TRAPPC6B: variants seen among roughly 807,000 people sequenced by gnomAD.
TRAPPC6B encodes the protein trafficking protein particle complex subunit 6B.
Under a neutral mutation model 24.7 loss-of-function variants are expected in TRAPPC6B, and 27 were observed. The observed-to-expected ratio is 1.09, with a 90% CI of 0.81 to 1.51. TRAPPC6B has a LOEUF of 1.51. Among genes scored for constraint, TRAPPC6B ranks in the 40% most tolerant of loss-of-function variants. TRAPPC6B has a pLI of 0.00. For synonymous variants in TRAPPC6B, 80 were observed against 66.6 expected, an observed-to-expected ratio of 1.20 and a Z score of -0.98; for missense variants, 212 against 190.8, an observed-to-expected ratio of 1.11 and a Z score of -0.66.
chr14:39,169,324 A>G (rs1003758956), intron 1 of TRAPPC6B, among the ~76,000 whole-genome samples: 4 of 149,128 alleles, frequency 2.7e-5, no homozygotes, highest in African/African-American at 9.9e-5. Flanking sequence ...ATGATTGAAT[A>G]AGGACTCCCA....
At position 39,165,275 on chromosome 14, in the gene TRAPPC6B, G is replaced by A. The variant is rs564645018; in HGVS notation, c.81+4740C>T. ...TTAGCCAGGACGGTCTCGATCTCCT[G>A]ACCTTGTGATCCGCCCGCCTCGGCC... On this transcript the variant is annotated intron_variant, in intron 1 of 5. Transcript: ENST00000330149. 5.6e-4 allele frequency among the ~76,000 whole-genome samples: 85 copies of A among 152,210 alleles called. 1 individual carries two copies. Among genetic ancestry groups the A allele is most frequent in the African/African-American group, 2.0e-3 (83 of 41,524 alleles).
At chr14:39,152,129 T>G (rs2052922979) in intron 4 of TRAPPC6B, among the ~76,000 whole-genome samples, 1 of 152,156 alleles carries the variant, frequency 6.6e-6, no homozygotes, top group Non-Finnish European at 1.5e-5. Context: ...CAGAATTAGT[T>G]CTGGAGGCAG....
rs59380407 is a variant in TRAPPC6B at position 39,167,871 on chromosome 14, GA to G, written c.81+2143del. The stretch of plus-strand genomic sequence containing the variant: ...CATTTTATTTAGGATTAACCCACGG[GA>G]AAAAAAAAAGATATTTTAAAAAGAA... On this transcript the variant is annotated intron_variant, in intron 1 of 5. Coordinates refer to ENST00000330149, the MANE Select transcript of TRAPPC6B (RefSeq NM_001079537.2). 6.8e-5 allele frequency among the ~76,000 whole-genome samples: 10 copies of G among 148,058 alleles called. No individual in the cohort carries two copies. The East Asian group carries it at 7.8e-4, about 12-fold the overall frequency.
At chr14:39,163,980 C>G (rs771268062) in intron 1 of TRAPPC6B, among the ~76,000 whole-genome samples, 7 of 150,818 alleles carry the variant, frequency 4.6e-5, no homozygotes, top group Non-Finnish European at 1.0e-4. Context: ...CCCTGTGCTC[C>G]CAACCCCCCA....
At chr14:39,165,526 T>G (rs144216127) in intron 1 of TRAPPC6B, among the ~76,000 whole-genome samples, 83 of 152,286 alleles carry the variant, frequency 5.5e-4, no homozygotes, top group Non-Finnish European at 1.0e-3. Context: ...CCAGGCGCAG[T>G]GCTCATGCCT....
intron 3 of TRAPPC6B, among the ~76,000 whole-genome samples, chr14:39,156,242 T>C (rs1241564535): frequency 6.6e-6 from 1 of 152,174 alleles, no homozygotes; most frequent in East Asian, 1.9e-4. Context: ...CCCAGAACTC[T>C]GGGAGGCCAA....
At chr14:39,157,559 C>G (rs2052997925) in intron 3 of TRAPPC6B, 19 of 391,770 alleles carry the variant, frequency 4.8e-5, no homozygotes, top group South Asian at 3.7e-4. Flanking sequence ...ATCGAGGTGG[C>G]TGTCTTCCTG....
At chr14:39,154,322 A>C in intron 3 of TRAPPC6B, 28 bp from the exon 4 acceptor site, 1 of 1,356,644 alleles carries the variant, frequency 7.4e-7, no homozygotes, top group Non-Finnish European at 1.1e-6. Context: ...AAAAAATCCA[A>C]AGTCAATGTA....
At chr14:39,152,611 A>T (rs2052928252) in intron 4 of TRAPPC6B, among the ~76,000 whole-genome samples, 1 of 152,188 alleles carries the variant, frequency 6.6e-6, no homozygotes, top group South Asian at 2.1e-4. Context: ...AAGTAACTAG[A>T]TCTGAGTCAT....
Position 39,170,153 on chromosome 14 carries a change from T to C in TRAPPC6B, c.-58A>G. On this transcript the variant is annotated 5_prime_UTR_variant, in exon 1 of 6. Coordinates refer to ENST00000330149, the MANE Select transcript of TRAPPC6B (RefSeq NM_001079537.2). ...GCTCCCGTTTGAGCTGGTCTGGGGGTTCCAGCTCGCGCCTCAGCGACTTCG... is the reference window on the plus strand; with the variant it reads ...GCTCCCGTTTGAGCTGGTCTGGGGGCTCCAGCTCGCGCCTCAGCGACTTCG... The C allele has an allele frequency of 6.4e-7, 1 of 1,563,224 alleles. No individual in the cohort carries two copies. The highest frequency in any genetic ancestry group is 1.8e-5 in the Admixed American group (1 of 55,424).
rs1439422934 is a variant in TRAPPC6B, at chr14:39,169,933, G to A, written c.81+82C>T. On this transcript the variant is annotated intron_variant, in intron 1 of 5. Transcript: ENST00000330149. ...CCTCGGGAGGCGTCGGGTGGCGATG[G>A]GACAGGGGTTGAAGGAAAGCACTGA... The A allele has an allele frequency of 7.0e-6, 10 of 1,426,412 alleles. No individual in the cohort carries two copies. The African/African-American group carries it at 8.4e-5, about 12-fold the overall frequency. The allele number at this position is 1,426,412 out of a possible 1,614,324, so 88.4% of individuals were successfully genotyped here.
chr14:39,153,990 C>A (rs1027419009), intron 4 of TRAPPC6B, among the ~76,000 whole-genome samples: 2 of 152,148 alleles, frequency 1.3e-5, no homozygotes, highest in Non-Finnish European at 2.9e-5. Context: ...CAGGCGTGAG[C>A]CATAGCGCCC....
chr14:39,161,127 GT>G, intron 1 of TRAPPC6B, among the ~76,000 whole-genome samples: 1 of 151,600 alleles, frequency 6.6e-6, no homozygotes, highest in Non-Finnish European at 1.5e-5. Context: ...TCCATGCTAG[GT>G]TTTTATTTCT....
rs776536685 is a variant in TRAPPC6B at position 39,170,003 on chromosome 14, G to A, written c.81+12C>T. The A allele has an allele frequency of 3.7e-6, 6 of 1,613,666 alleles. No homozygotes were observed. Among genetic ancestry groups the A allele is most frequent in the Admixed American group, 1.7e-5 (1 of 59,990 alleles). ...CCGCAAAAGGACCTCAAGGTTGTGT[G>A]GCAGCACTCACCACCTCCCCCTGCT... On this transcript the variant is annotated intron_variant, in intron 1 of 5. Transcript: ENST00000330149.
chr14:39,150,522 T>C (rs533768423), intron 5 of TRAPPC6B, 141 bp from the exon 6 acceptor site: 295 of 624,900 alleles, frequency 4.7e-4, no homozygotes, highest in Non-Finnish European at 7.6e-4. Flanking sequence ...CTTCATAATA[T>C]TCAATAAAGT....
At chr14:39,157,972 A>G (rs1414364646) in intron 3 of TRAPPC6B, 3 of 213,600 alleles carry the variant, frequency 1.4e-5, no homozygotes, top group East Asian at 2.4e-4. Context: ...GTGGTTCTGC[A>G]TATTATTACC....
At chr14:39,166,907 T>C (rs1457375399) in intron 1 of TRAPPC6B, among the ~76,000 whole-genome samples, 3 of 152,162 alleles carry the variant, frequency 2.0e-5, no homozygotes, top group African/African-American at 7.2e-5. Flanking sequence ...ACTCTGCATG[T>C]TTGGGGAGGC....
chr14:39,165,424 T>C lies in TRAPPC6B; in HGVS notation c.81+4591A>G, dbSNP rs1263576582. Among the ~76,000 whole-genome samples the C allele has an allele frequency of 2.6e-5, 4 of 152,202 alleles. No homozygotes were observed. The East Asian group carries it at 5.8e-4, about 22-fold the overall frequency. ...AACTTCCTTAGGCCCTATGCTGTCG[T>C]AAAATTCTGTACATACATCTATTAC... On this transcript the variant is annotated intron_variant, in intron 1 of 5. Transcript: ENST00000330149.
At position 39,158,282 on chromosome 14, in the gene TRAPPC6B, T is replaced by C. The variant is rs557274534; in HGVS notation, c.267+3A>G. On this transcript the variant is annotated splice_donor_region_variant and intron_variant, in intron 3 of 5. Transcript: ENST00000330149. ...AAATATAGGCCTTAATTAATTTAAT[T>C]ACCTGATGATTTGTCCTTAGATTGT... 47 of 1,498,104 alleles carry C rather than the reference T, an allele frequency of 3.1e-5. No homozygotes were observed. The South Asian group carries it at 5.1e-4, about 16-fold the overall frequency. The allele number at this position is 1,498,104 out of a possible 1,614,324, so 92.8% of individuals were successfully genotyped here.
Sources: allele counts gnomAD v4.1 joint callset (sites outside exome capture counted in the v4.1 genomes callset), GRCh38; gene constraint gnomAD v4.1.1; transcripts MANE v1.5; gene names NCBI Gene and HGNC (gene_info 2026-07-23, HGNC 2026-07-21).